Variants in MYO3B observed in about 807,000 individuals in gnomAD.
The protein encoded by MYO3B is myosin IIIB, also known as myosin-IIIb.
In MYO3B, 156 loss-of-function variants were observed where a neutral mutation model predicts 174.6. The ratio of observed to expected loss-of-function variants is 0.89; its 90% CI spans 0.78 to 1.02. The LOEUF (loss-of-function observed/expected upper bound fraction) is 1.02. Among genes scored for constraint, MYO3B ranks in the 50% least tolerant of loss-of-function variants. MYO3B has a pLI of 0.00. For synonymous variants in MYO3B, 563 were observed against 569.1 expected, an observed-to-expected ratio of 0.99 and a Z score of 0.15; for missense variants, 1,632 against 1,639.4, an observed-to-expected ratio of 1.00 and a Z score of 0.08.
At chr2:170,205,653 AAAAG>A (rs1192596422) in intron 3 of MYO3B, among the ~76,000 whole-genome samples, 6 of 152,094 alleles carry the variant, frequency 3.9e-5, no homozygotes, top group Non-Finnish European at 8.8e-5. Flanking sequence ...CTATCTCAAA[AAAAG>A]TCTCCCAAAT....
intron 32 of MYO3B, among the ~76,000 whole-genome samples, chr2:170,648,388 G>A (rs973694994): frequency 2.0e-5 from 3 of 151,956 alleles, no homozygotes; most frequent in East Asian, 1.9e-4. Flanking sequence ...TCAGCACTTT[G>A]GGAGGCTGAG....
chr2:170,350,343 A>G (rs964297712), intron 8 of MYO3B: 6 of 152,090 alleles, frequency 3.9e-5, no homozygotes, highest in Non-Finnish European at 8.8e-5. Context: ...TTCTTTTTTG[A>G]TTGCCTTAAA....
At chr2:170,369,090 G>A (rs1018533168) in intron 8 of MYO3B, 132 bp from the exon 9 acceptor site, 4 of 629,024 alleles carry the variant, frequency 6.4e-6, no homozygotes, top group Non-Finnish European at 1.0e-5. Context: ...TAATTAAAGA[G>A]AGAGCTGTGT....
At chr2:170,261,014 G>A (rs904119282) in intron 7 of MYO3B, among the ~76,000 whole-genome samples, 6 of 152,040 alleles carry the variant, frequency 3.9e-5, no homozygotes, top group South Asian at 4.2e-4. Context: ...CTTTTCTTTC[G>A]TTTCTTTTTG....
rs903110537 is a variant in MYO3B at position 170,466,702 on chromosome 2, T to C, written c.3005T>C (p.Phe1002Ser). Residue 1002 changes from phenylalanine (F) to serine (S), a missense_variant, in exon 25 of 35, where the codon TTT becomes TCT. Transcript: ENST00000408978. ...TCCCACCGCATCCTTTTTGAAGAAT[T>C]TGTGAAAAGGTCAGACCGTCATCTA... is the stretch of plus-strand genomic sequence containing the variant. Reference protein sequence around the residue: ...GYSHRILFEEFVKRYYYLAFT... With the variant: ...GYSHRILFEESVKRYYYLAFT... The C allele has an allele frequency of 1.2e-6, 2 of 1,614,038 alleles. No individual in the cohort carries two copies. Among genetic ancestry groups the C allele is most frequent in the Non-Finnish European group, 1.7e-6 (2 of 1,180,016 alleles).
At chr2:170,356,664 A>G (rs1200537689) in intron 8 of MYO3B, among the ~76,000 whole-genome samples, 1 of 152,036 alleles carries the variant, frequency 6.6e-6, no homozygotes, top group Non-Finnish European at 1.5e-5. Flanking sequence ...ACCTGGCTGC[A>G]TGGAGCCATT....
chr2:170,635,803 A>T (rs1037949298), intron 32 of MYO3B, among the ~76,000 whole-genome samples: 5 of 152,206 alleles, frequency 3.3e-5, no homozygotes, highest in African/African-American at 1.2e-4. Flanking sequence ...GGAGATATCC[A>T]AAGGTCTAAA....
chr2:170,211,554 T>C (rs2092770906), intron 3 of MYO3B, among the ~76,000 whole-genome samples: 2 of 152,188 alleles, frequency 1.3e-5, no homozygotes, highest in South Asian at 4.1e-4. Context: ...TTACAAAATT[T>C]AGAACCTTTA....
At chr2:170,515,839 G>A (rs185543698) in intron 29 of MYO3B, among the ~76,000 whole-genome samples, 122 of 152,120 alleles carry the variant, frequency 8.0e-4, no homozygotes, top group Non-Finnish European at 1.1e-3. Flanking sequence ...TCTGTTTCAA[G>A]GAAATACTGA....
chr2:170,236,570 A>G (rs2093073195), intron 7 of MYO3B, among the ~76,000 whole-genome samples: 1 of 152,236 alleles, frequency 6.6e-6, no homozygotes, highest in South Asian at 2.1e-4. Context: ...AAAATGTTAC[A>G]TCAGCGCTAT....
At chr2:170,371,857 C>T (rs943922451) in intron 9 of MYO3B, among the ~76,000 whole-genome samples, 9 of 133,756 alleles carry the variant, frequency 6.7e-5, no homozygotes, top group East Asian at 2.1e-4. Context: ...AATCCCAGCA[C>T]GTTGGGAGGC....
At chr2:170,646,714 G>A (rs985193579) in intron 32 of MYO3B, among the ~76,000 whole-genome samples, 2 of 152,142 alleles carry the variant, frequency 1.3e-5, no homozygotes, top group African/African-American at 4.8e-5. Context: ...TTATTGCCAA[G>A]TTGCACTTCA....
chr2:170,315,037 G>A (rs2093765321), intron 7 of MYO3B, among the ~76,000 whole-genome samples: 1 of 152,108 alleles, frequency 6.6e-6, no homozygotes, highest in Non-Finnish European at 1.5e-5. Flanking sequence ...GACATTTTTA[G>A]GACTATCAAG....
chr2:170,356,896 G>A (rs1257973780), intron 8 of MYO3B, among the ~76,000 whole-genome samples: 1 of 152,062 alleles, frequency 6.6e-6, no homozygotes, highest in Admixed American at 6.6e-5. Flanking sequence ...TCCCACCTCA[G>A]CCTCCCAAGT....
intron 22 of MYO3B, chr2:170,411,701 C>G (rs948594912): frequency 2.0e-5 from 3 of 152,194 alleles, no homozygotes; most frequent in African/African-American, 7.2e-5. Context: ...TTGTTTCCAG[C>G]TCCCACTTTC....
intron 32 of MYO3B, among the ~76,000 whole-genome samples, chr2:170,617,999 A>C (rs922131589): frequency 7.9e-5 from 12 of 152,152 alleles, no homozygotes; most frequent in Non-Finnish European, 1.6e-4. Flanking sequence ...TAGAGGTTTT[A>C]ATGAGAGCCC....
At position 170,313,549 on chromosome 2, in the gene MYO3B, A is replaced by AGG. The variant is rs1574768139; in HGVS notation, c.750-21836_750-21835insGG. ...AGCATCTCTGCACTTGAACACTCAAAATGTTCCTGAAAGGGACCTACATTA... is the reference window on the plus strand; with the variant it reads ...AGCATCTCTGCACTTGAACACTCAAAGGATGTTCCTGAAAGGGACCTACATTA... On this transcript the variant is annotated intron_variant, in intron 7 of 34. Coordinates refer to ENST00000408978, the MANE Select transcript of MYO3B (RefSeq NM_138995.5). Among the ~76,000 whole-genome samples the AGG allele has an allele frequency of 3.9e-5, 6 of 152,188 alleles. No homozygotes were observed. In the East Asian group the frequency reaches 9.7e-4, roughly 25 times the overall value.
intron 30 of MYO3B, chr2:170,519,856 C>A (rs1011414315): frequency 2.5e-5 from 6 of 240,936 alleles, no homozygotes; most frequent in African/African-American, 1.4e-4. Context: ...GCCTGTAATC[C>A]CAGCTACTCA....
chr2:170,385,508 T>G (rs1241877368), intron 12 of MYO3B, among the ~76,000 whole-genome samples: 1 of 152,174 alleles, frequency 6.6e-6, no homozygotes, highest in African/African-American at 2.4e-5. Flanking sequence ...TATATAATTT[T>G]TATTATACCA....
Sources: gnomAD v4.1 joint callset for allele counts (sites outside exome capture counted in the v4.1 genomes callset) on GRCh38, gnomAD v4.1.1 for gene constraint, MANE v1.5 for transcripts, NCBI Gene and HGNC (gene_info 2026-07-23, HGNC 2026-07-21) for gene names.